Variants in UQCRC2 observed in about 807,000 individuals in gnomAD.
The protein encoded by UQCRC2 is cytochrome b-c1 complex subunit 2, mitochondrial.
A neutral mutation model predicts 55.6 loss-of-function variants in UQCRC2; 49 were observed. The observed-to-expected ratio is 0.88, with a 90% CI of 0.70 to 1.12. UQCRC2 has a LOEUF of 1.12. Ranked by LOEUF, UQCRC2 falls within the 50% of genes most tolerant of loss-of-function variation. The pLI, the probability that UQCRC2 is intolerant of heterozygous loss-of-function variation, is 0.00. For synonymous variants in UQCRC2, 193 were observed against 192.0 expected (o/e 1.01, Z -0.04); for missense variants, 506 against 547.8 (o/e 0.92, Z 0.76).
intron 13 of UQCRC2, 24 bp from the exon 14 acceptor site, chr16:21,983,064 T>C: frequency 6.2e-7 from 1 of 1,606,058 alleles, no homozygotes; most frequent in Non-Finnish European, 8.5e-7. Context: ...TTGTTAATTT[T>C]GTCTTTTGTT....
intron 7 of UQCRC2, among the ~76,000 whole-genome samples, chr16:21,967,976 G>A (rs2967157): frequency 0.077 from 11,516 of 149,158 alleles, 630 homozygotes; most frequent in South Asian, 0.25. Flanking sequence ...TTAGGCCAGT[G>A]TATGCTCTAA....
intron 4 of UQCRC2, 141 bp from the exon 5 acceptor site, chr16:21,962,319 T>C: frequency 1.1e-6 from 1 of 942,604 alleles, no homozygotes; most frequent in Non-Finnish European, 1.6e-6. Context: ...TTGGTTAATA[T>C]GTGGAGTTTT....
chr16:21,968,803 C>A, intron 8 of UQCRC2, 118 bp downstream of exon 8: 1 of 763,798 alleles, frequency 1.3e-6, no homozygotes, highest in Non-Finnish European at 2.0e-6. Context: ...CTATTTATGT[C>A]AGACAGGCAA....
chr16:21,977,198 T>C (rs1234320187), intron 12 of UQCRC2, among the ~76,000 whole-genome samples: 1 of 152,018 alleles, frequency 6.6e-6, no homozygotes, highest in East Asian at 1.9e-4. Flanking sequence ...CAAAAAGATA[T>C]TTAAAACTAG....
chr16:21,981,627 C>T (rs565011717), intron 13 of UQCRC2, among the ~76,000 whole-genome samples: 2 of 151,662 alleles, frequency 1.3e-5, no homozygotes, highest in South Asian at 2.1e-4. Context: ...TGGTGGCATG[C>T]GCCTGTAGTC....
chr16:21,971,440 G>T, intron 8 of UQCRC2, 85 bp from the exon 9 acceptor site: 2 of 1,136,918 alleles, frequency 1.8e-6, no homozygotes, highest in Non-Finnish European at 2.5e-6. Flanking sequence ...TTTTACAATC[G>T]TATTTTTAAA....
At chr16:21,956,284 C>T (rs1898085025) in intron 1 of UQCRC2, among the ~76,000 whole-genome samples, 1 of 152,142 alleles carries the variant, frequency 6.6e-6, no homozygotes, top group African/African-American at 2.4e-5. Flanking sequence ...TGGCTCCCAC[C>T]TGTAATTCTA....
intron 5 of UQCRC2, 96 bp from the exon 6 acceptor site, chr16:21,962,665 C>T: frequency 6.3e-7 from 1 of 1,597,494 alleles, no homozygotes; most frequent in Non-Finnish European, 8.6e-7. Context: ...ACCACAAGAC[C>T]TAAAGTTTCA....
At position 21,972,141 on chromosome 16, in the gene UQCRC2, T is replaced by C; in HGVS notation, c.966+19T>C. On this transcript the variant is annotated intron_variant, in intron 10 of 13. Transcript: ENST00000268379. The stretch of plus-strand genomic sequence containing the variant: ...ATTTGATGTGAGTCTGAACAGTTGG[T>C]ATCTCTCTTTTTGCTTTCAAAGGCT... 1 of 1,604,834 alleles carries C rather than the reference T, an allele frequency of 6.2e-7. No individual in the cohort carries two copies. Among genetic ancestry groups the C allele is most frequent in the Non-Finnish European group, 8.5e-7 (1 of 1,175,140 alleles).
In UQCRC2 at chr16:21,972,086, C is replaced by T. The variant is rs1196487783; in HGVS notation, c.930C>T (p.His310=). The stretch of plus-strand genomic sequence containing the variant: ...GCAGCAACACCACCAGCCATCTGCA[C>T]CAGGCTGTTGCCAAGGCAACTCAGC... The part of the protein sequence containing the change: ...KRGSNTTSHL[H]QAVAKATQQP... Residue 310 remains histidine (H), a synonymous_variant, in exon 10 of 14, where the codon CAC becomes CAT. Coordinates refer to ENST00000268379, the MANE Select transcript of UQCRC2 (RefSeq NM_003366.4). 1 of 1,614,038 alleles carries T rather than the reference C, an allele frequency of 6.2e-7. No individual in the cohort carries two copies. Among genetic ancestry groups the T allele is most frequent in the Non-Finnish European group, 8.5e-7 (1 of 1,179,952 alleles).
chr16:21,979,173 C>T (rs1898655671), intron 12 of UQCRC2, among the ~76,000 whole-genome samples: 1 of 152,166 alleles, frequency 6.6e-6, no homozygotes, highest in Non-Finnish European at 1.5e-5. Flanking sequence ...TCTGTGGTGA[C>T]ACCAAGTACA....
intron 6 of UQCRC2, among the ~76,000 whole-genome samples, chr16:21,963,795 C>T (rs1193117059): frequency 6.6e-6 from 1 of 152,010 alleles, no homozygotes; most frequent in Non-Finnish European, 1.5e-5. Context: ...AGTTGTTTTG[C>T]TTACCCCAAA....
chr16:21,969,874 GT>G (rs541463462), intron 8 of UQCRC2, among the ~76,000 whole-genome samples: 12 of 143,646 alleles, frequency 8.4e-5, no homozygotes, highest in Admixed American at 7.0e-5. Context: ...CTTTGTTTTT[GT>G]TTTTTTTTTT....
intron 13 of UQCRC2, among the ~76,000 whole-genome samples, chr16:21,982,042 A>G (rs1258449451): frequency 1.3e-5 from 2 of 151,586 alleles, no homozygotes; most frequent in African/African-American, 2.4e-5. Context: ...GGGTTTTACC[A>G]TGTTAGCCAG....
intron 3 of UQCRC2, 95 bp downstream of exon 3, chr16:21,957,661 T>C: frequency 5.4e-6 from 8 of 1,486,898 alleles, no homozygotes; most frequent in Middle Eastern, 1.8e-4. Flanking sequence ...ATATTTTGAT[T>C]CCTTGACCTG....
chr16:21,963,768 C>T (rs1193911443), intron 6 of UQCRC2, among the ~76,000 whole-genome samples: 1 of 152,114 alleles, frequency 6.6e-6, no homozygotes, highest in Non-Finnish European at 1.5e-5. Flanking sequence ...TGTGCCTGAC[C>T]CCTAGTGATT....
At chr16:21,966,892 T>G (rs563322134) in intron 7 of UQCRC2, among the ~76,000 whole-genome samples, 52 of 152,346 alleles carry the variant, frequency 3.4e-4, no homozygotes, top group African/African-American at 1.2e-3. Context: ...AGGGAACTAG[T>G]TAAATAACTT....
intron 3 of UQCRC2, 93 bp from the exon 4 acceptor site, chr16:21,958,442 T>C: frequency 1.8e-6 from 2 of 1,131,466 alleles, no homozygotes; most frequent in Non-Finnish European, 2.6e-6. Flanking sequence ...AAAATTCTTT[T>C]TAAATCTGCT....
chr16:21,969,655 G>A (rs1027842661), intron 8 of UQCRC2, among the ~76,000 whole-genome samples: 37 of 151,942 alleles, frequency 2.4e-4, no homozygotes, highest in African/African-American at 8.9e-4. Flanking sequence ...AATATTTTTT[G>A]TTTTGTTTTG....
Sources: gnomAD v4.1 joint callset for allele counts (sites outside exome capture counted in the v4.1 genomes callset) on GRCh38, gnomAD v4.1.1 for gene constraint, MANE v1.5 for transcripts, NCBI Gene and HGNC (gene_info 2026-07-23, HGNC 2026-07-21) for gene names.